NEDD4L: variants seen among roughly 807,000 people sequenced by gnomAD.
NEDD4L encodes NEDD4 like E3 ubiquitin protein ligase.
In NEDD4L, 54 loss-of-function variants were observed where a neutral mutation model predicts 148.9. The ratio of observed to expected loss-of-function variants is 0.36; its 90% CI spans 0.29 to 0.45. The LOEUF is 0.45. Among genes scored for constraint, NEDD4L ranks in the 20% least tolerant of loss-of-function variants. The probability of loss-of-function intolerance (pLI) is 1.00; values close to 1 mark genes in which losing one functional copy is unlikely to be tolerated. For missense variants in NEDD4L, 856 were observed against 1,233.8 expected (o/e 0.69, Z 4.59); for synonymous variants, 433 against 440.7 (o/e 0.98, Z 0.22).
intron 1 of NEDD4L, chr18:58,149,437 T>C: frequency 6.5e-7 from 1 of 1,528,710 alleles, no homozygotes; most frequent in Non-Finnish European, 8.8e-7. Flanking sequence ...TACCCTTGGC[T>C]GCAGCCACGA....
chr18:58,297,743 C>T (rs556045244), intron 5 of NEDD4L, among the ~76,000 whole-genome samples: 12 of 152,246 alleles, frequency 7.9e-5, no homozygotes, highest in Admixed American at 2.0e-4. Flanking sequence ...GGGCCCTAAA[C>T]GCAGTCACAA....
intron 1 of NEDD4L, among the ~76,000 whole-genome samples, chr18:58,146,375 T>C (rs1219331043): frequency 6.6e-6 from 1 of 152,126 alleles, no homozygotes; most frequent in Non-Finnish European, 1.5e-5. Flanking sequence ...GAGGGTGCTA[T>C]GTGGGTGTGG....
chr18:58,191,180 G>T (rs892098632), intron 2 of NEDD4L, among the ~76,000 whole-genome samples: 6 of 152,148 alleles, frequency 3.9e-5, no homozygotes, highest in African/African-American at 1.4e-4. Context: ...ACAACAAACT[G>T]ATTTTTAAGT....
chr18:58,088,279 T>C (rs1270686449), intron 1 of NEDD4L, among the ~76,000 whole-genome samples: 1 of 152,236 alleles, frequency 6.6e-6, no homozygotes, highest in African/African-American at 2.4e-5. Context: ...GCATTATTCA[T>C]TGTGAGAGGT....
At chr18:58,380,793 A>C (rs1165946269) in intron 24 of NEDD4L, among the ~76,000 whole-genome samples, 1 of 152,048 alleles carries the variant, frequency 6.6e-6, no homozygotes, top group Non-Finnish European at 1.5e-5. Context: ...CTCATCGTTT[A>C]ACTCCCACTT....
intron 24 of NEDD4L, among the ~76,000 whole-genome samples, chr18:58,381,842 A>G (rs2048386348): frequency 6.6e-6 from 1 of 152,284 alleles, no homozygotes. Context: ...CCCACCCCCA[A>G]GTGGAAGCTG....
chr18:58,371,945 G>A (rs2046933600), intron 23 of NEDD4L: 1 of 152,220 alleles, frequency 6.6e-6, no homozygotes. Flanking sequence ...TCCCCAGCAG[G>A]AGAGACCGTG....
chr18:58,076,521 C>A (rs2083166071), intron 1 of NEDD4L, among the ~76,000 whole-genome samples: 2 of 152,242 alleles, frequency 1.3e-5, no homozygotes, highest in African/African-American at 4.8e-5. Flanking sequence ...GGTAGCAGGA[C>A]CACGTTGGGA....
At chr18:58,148,346 A>G (rs2034328407) in intron 1 of NEDD4L, among the ~76,000 whole-genome samples, 1 of 151,686 alleles carries the variant, frequency 6.6e-6, no homozygotes, top group African/African-American at 2.4e-5. Context: ...TATATTTTTT[A>G]GTAGAGATGG....
intron 6 of NEDD4L, 76 bp from the exon 7 acceptor site, chr18:58,322,349 G>A (rs2058867026): frequency 2.0e-6 from 2 of 999,496 alleles, no homozygotes; most frequent in South Asian, 2.8e-5. Context: ...TATATTCTCT[G>A]TAATCCAGTT....
intron 30 of NEDD4L, among the ~76,000 whole-genome samples, chr18:58,393,625 C>T (rs1448420687): frequency 6.6e-6 from 1 of 152,228 alleles, no homozygotes; most frequent in Non-Finnish European, 1.5e-5. Flanking sequence ...ATGAGTGGGA[C>T]TGTTCTGCTG....
intron 2 of NEDD4L, among the ~76,000 whole-genome samples, chr18:58,237,714 C>T (rs1230908518): frequency 1.3e-5 from 2 of 152,172 alleles, no homozygotes; most frequent in Non-Finnish European, 2.9e-5. Flanking sequence ...GTACACAGCT[C>T]TGATGATCTC....
intron 27 of NEDD4L, chr18:58,388,515 CT>C (rs2049349971): frequency 6.6e-6 from 1 of 152,406 alleles, no homozygotes; most frequent in African/African-American, 2.4e-5. Flanking sequence ...GAAACCTCCC[CT>C]GATGGAGAGT....
At chr18:58,294,720 A>G (rs995922123) in intron 5 of NEDD4L, among the ~76,000 whole-genome samples, 5 of 150,850 alleles carry the variant, frequency 3.3e-5, no homozygotes, top group African/African-American at 4.9e-5. Flanking sequence ...GGGTCTTGCT[A>G]TGTTGCCCAG....
chr18:58,108,481 T>C (rs1266017741), intron 1 of NEDD4L, among the ~76,000 whole-genome samples: 1 of 152,168 alleles, frequency 6.6e-6, no homozygotes, highest in East Asian at 1.9e-4. Context: ...AGTGCAGTGG[T>C]GCGATCTCAG....
At chr18:58,190,610 C>G (rs979130086) in intron 2 of NEDD4L, among the ~76,000 whole-genome samples, 1 of 152,070 alleles carries the variant, frequency 6.6e-6, no homozygotes, top group African/African-American at 2.4e-5. Flanking sequence ...TTCTTTTCTT[C>G]TAACTAAGTA....
At chr18:58,148,615 C>G (rs1437352107) in intron 1 of NEDD4L, among the ~76,000 whole-genome samples, 1 of 152,206 alleles carries the variant, frequency 6.6e-6, no homozygotes, top group Non-Finnish European at 1.5e-5. Flanking sequence ...CCCAGTGTCT[C>G]TCTGTGTGTC....
chr18:58,097,267 A>G lies in NEDD4L; in HGVS notation c.48+52559A>G, dbSNP rs1397900592. On this transcript the variant is annotated intron_variant, in intron 1 of 30. Transcript: ENST00000400345. ...CTCCATGCCAAGTGCTGTTAAGAACATGGAGAGAGCATTCGAGTGTTTGCC... is the reference window on the plus strand; with the variant it reads ...CTCCATGCCAAGTGCTGTTAAGAACGTGGAGAGAGCATTCGAGTGTTTGCC... Among the ~76,000 whole-genome samples the G allele has an allele frequency of 3.3e-5, 5 of 152,336 alleles. 1 individual carries two copies. Among genetic ancestry groups the G allele is most frequent in the Middle Eastern group, 6.8e-3 (2 of 294 alleles).
chr18:58,148,912 G>C (rs148263600), intron 1 of NEDD4L, among the ~76,000 whole-genome samples: 191 of 152,250 alleles, frequency 1.3e-3, no homozygotes, highest in African/African-American at 4.2e-3. Flanking sequence ...TTCCTTATTT[G>C]CTCTAAGCAG....
Sources: gnomAD v4.1 joint callset for allele counts (sites outside exome capture counted in the v4.1 genomes callset) on GRCh38, gnomAD v4.1.1 for gene constraint, MANE v1.5 for transcripts, NCBI Gene and HGNC (gene_info 2026-07-23, HGNC 2026-07-21) for gene names.